OR51B5: variants seen among roughly 807,000 people sequenced by gnomAD.
OR51B5 encodes olfactory receptor family 51 subfamily B member 5, also known as olfactory receptor 51B5.
For synonymous variants in OR51B5, 186 were observed against 144.8 expected (o/e 1.28, Z -2.04); for missense variants, 456 against 374.6 (o/e 1.22, Z -1.79).
At chr11:5,490,772 T>G (rs962228874) in intron 1 of OR51B5, among the ~76,000 whole-genome samples, 2 of 152,228 alleles carry the variant, frequency 1.3e-5, no homozygotes, top group African/African-American at 4.8e-5. Flanking sequence ...GACCATGGAC[T>G]TCCTTATCTA....
chr11:5,366,076 G>C (rs71488544), intron 1 of OR51B5, among the ~76,000 whole-genome samples: 2 of 152,204 alleles, frequency 1.3e-5, no homozygotes, highest in South Asian at 2.1e-4. Context: ...GTTAATGGAA[G>C]AGTTGCTGAG....
At chr11:5,369,881 G>C (rs117159852) in intron 1 of OR51B5, among the ~76,000 whole-genome samples, 1,655 of 152,288 alleles carry the variant, frequency 0.011, 12 homozygotes, top group Middle Eastern at 0.027. Context: ...GTTGTTAAAA[G>C]TGATGACCTC....
At chr11:5,414,787 G>A (rs7118450) in intron 1 of OR51B5, among the ~76,000 whole-genome samples, 63,461 of 152,044 alleles carry the variant, frequency 0.42, 14,040 homozygotes, top group Non-Finnish European at 0.5. Context: ...AGTCCTTAGT[G>A]ACCTACAAAG....
At chr11:5,430,591 C>T (rs956813477) in intron 1 of OR51B5, 3 of 400,286 alleles carry the variant, frequency 7.5e-6, no homozygotes, top group East Asian at 7.2e-5. Context: ...GAGCTTTGCC[C>T]ATAGCAGAAA....
intron 1 of OR51B5, among the ~76,000 whole-genome samples, chr11:5,480,172 G>T (rs1428361555): frequency 6.6e-6 from 1 of 151,690 alleles, no homozygotes; most frequent in South Asian, 2.1e-4. Context: ...AGACCACAGT[G>T]CAATCAAACT....
intron 1 of OR51B5, among the ~76,000 whole-genome samples, chr11:5,382,837 G>T (rs1564794687): frequency 1.3e-5 from 2 of 152,160 alleles, no homozygotes; most frequent in African/African-American, 2.4e-5. Flanking sequence ...ACAATGGCAT[G>T]TCATAAACTT....
At chr11:5,366,724 AG>A (rs1053074911) in intron 1 of OR51B5, among the ~76,000 whole-genome samples, 14 of 152,008 alleles carry the variant, frequency 9.2e-5, no homozygotes, top group African/African-American at 3.4e-4. Flanking sequence ...AGGAAAGGAA[AG>A]GAAAGAAGGA....
chr11:5,496,878 A>G (rs915969139), intron 1 of OR51B5, among the ~76,000 whole-genome samples: 1 of 152,140 alleles, frequency 6.6e-6, no homozygotes, highest in Admixed American at 6.5e-5. Flanking sequence ...CCAAGAGTCA[A>G]ATGGTCCTCC....
chr11:5,399,391 C>A (rs992931641), intron 1 of OR51B5, among the ~76,000 whole-genome samples: 4 of 152,136 alleles, frequency 2.6e-5, no homozygotes, highest in African/African-American at 9.7e-5. Flanking sequence ...TCACTGGTTG[C>A]TAAAGGCTCA....
In OR51B5 at chr11:5,363,237, T is replaced by TCA. The variant is rs3219794; in HGVS notation, n.85-16329_85-16328dup. Among the ~76,000 whole-genome samples, 676 of 143,064 alleles carry TCA rather than the reference T, an allele frequency of 4.7e-3. 16 individuals carry two copies. The East Asian group carries it at 0.051, about 11-fold the overall frequency. 93.9% of individuals were successfully genotyped at this position (143,064 alleles called of 152,430 possible). ...GTTTCCCCACAACGAACCCAACCCC[T>TCA]CACACACACACACACACACACACAC... On this transcript the variant is annotated intron_variant and non_coding_transcript_variant, in intron 1 of 4. Transcript: ENST00000415970.
rs140114824 is a variant in OR51B5 at position 5,495,940 on chromosome 11, T to A, written n.84+9629A>T. 4.6e-5 allele frequency among the ~76,000 whole-genome samples: 7 copies of A among 152,208 alleles called. No individual in the cohort carries two copies. The East Asian group carries it at 1.2e-3, about 25-fold the overall frequency. ...AAATACAGCGTAGCAGGGTGGCATA[T>A]TGCAATTTTTTTTAACTTCATATGT... On this transcript the variant is annotated intron_variant and non_coding_transcript_variant, in intron 1 of 4. Transcript: ENST00000415970.
chr11:5,417,235 T>C (rs1303277430), intron 1 of OR51B5, among the ~76,000 whole-genome samples: 4 of 149,296 alleles, frequency 2.7e-5, no homozygotes, highest in Non-Finnish European at 6.0e-5. Flanking sequence ...TGTAGAAAGC[T>C]GAAACTGGAT....
intron 1 of OR51B5, among the ~76,000 whole-genome samples, chr11:5,419,722 T>G (rs1238319819): frequency 6.6e-6 from 1 of 152,056 alleles, no homozygotes; most frequent in Non-Finnish European, 1.5e-5. Flanking sequence ...TCAAATACTT[T>G]TCCTGTCTCT....
At chr11:5,453,569 G>C (rs1850890988) in intron 1 of OR51B5, 1 of 1,611,900 alleles carries the variant, frequency 6.2e-7, no homozygotes, top group Non-Finnish European at 8.5e-7. Flanking sequence ...ACTCCTGGCT[G>C]TCAGGGCCCC....
At chr11:5,400,025 G>C (rs564671519) in intron 1 of OR51B5, among the ~76,000 whole-genome samples, 10 of 152,270 alleles carry the variant, frequency 6.6e-5, no homozygotes, top group African/African-American at 2.2e-4. Context: ...AACTAAGAAG[G>C]CTATGTTGAG....
upstream of OR51B5, among the ~76,000 whole-genome samples, chr11:5,347,977 G>A (rs1849019000): frequency 6.6e-6 from 1 of 152,086 alleles, no homozygotes; most frequent in African/African-American, 2.4e-5. Flanking sequence ...AAGAATGGAA[G>A]GGAACAAAGT....
intron 1 of OR51B5, chr11:5,362,623 C>T (rs1281536764): frequency 5.7e-6 from 1 of 176,238 alleles, no homozygotes; most frequent in Non-Finnish European, 1.3e-5. Context: ...AAATGGAGCT[C>T]AAGGCCATGA....
chr11:5,406,291 T>C (rs1015610765), intron 1 of OR51B5, among the ~76,000 whole-genome samples: 2 of 152,216 alleles, frequency 1.3e-5, no homozygotes, highest in Non-Finnish European at 2.9e-5. Flanking sequence ...TATCTTCGGC[T>C]TCATTCTAGA....
rs1343957233 is a variant in OR51B5 at position 5,352,525 on chromosome 11, A to C, written n.85-5615T>G. On this transcript the variant is annotated intron_variant and non_coding_transcript_variant, in intron 1 of 4. Transcript: ENST00000415970. ...ATGTTGCCAGCATAAGTAACTAGGG[A>C]AAGTCATTTCAATGAGAACTAATCA... 3.5e-6 allele frequency: 3 copies of C among 867,296 alleles called. No homozygotes were observed. In the East Asian group the frequency reaches 7.3e-5, roughly 21 times the overall value. 53.7% of individuals were successfully genotyped at this position (867,296 alleles called of 1,614,324 possible). A position where few individuals can be genotyped will look rare whatever the true frequency, so the allele number is the denominator to read the frequency against.
Sources: allele counts gnomAD v4.1 joint callset (sites outside exome capture counted in the v4.1 genomes callset), GRCh38; gene constraint gnomAD v4.1.1; transcripts MANE v1.5; gene names NCBI Gene and HGNC (gene_info 2026-07-23, HGNC 2026-07-21).